KDM4C: variants seen among roughly 807,000 people sequenced by gnomAD.
KDM4C encodes the protein lysine-specific demethylase 4C.
A neutral mutation model predicts 129.3 loss-of-function variants in KDM4C; 81 were observed. That is an observed-to-expected ratio of 0.63 (90% CI 0.52 to 0.75). The LOEUF is 0.75. Among genes scored for constraint, KDM4C ranks in the 30% least tolerant of loss-of-function variants. The pLI, the probability that KDM4C is intolerant of heterozygous loss-of-function variation, is 0.00. For synonymous variants in KDM4C, 573 were observed against 456.1 expected (o/e 1.26, Z -3.26); for missense variants, 1,457 against 1,304.0 (o/e 1.12, Z -1.81).
At chr9:6,960,870 T>TA (rs55821730) in intron 8 of KDM4C, among the ~76,000 whole-genome samples, 2 of 151,962 alleles carry the variant, frequency 1.3e-5, no homozygotes, top group Non-Finnish European at 2.9e-5. Flanking sequence ...AAAAATCACC[T>TA]CAGTTGAGAA....
chr9:7,115,274 A>C (rs560939127), intron 18 of KDM4C, among the ~76,000 whole-genome samples: 17 of 152,154 alleles, frequency 1.1e-4, no homozygotes, highest in Admixed American at 2.0e-4. Flanking sequence ...TTTTGCACAG[A>C]ATTAATATTT....
upstream of KDM4C, among the ~76,000 whole-genome samples, chr9:6,754,279 C>G (rs999623386): frequency 6.6e-6 from 1 of 151,750 alleles, no homozygotes; most frequent in African/African-American, 2.4e-5. Context: ...GTGGTGCTAT[C>G]TTAGCTCACT....
At chr9:6,865,422 A>G (rs370309185) in intron 5 of KDM4C, among the ~76,000 whole-genome samples, 3 of 152,124 alleles carry the variant, frequency 2.0e-5, no homozygotes, top group African/African-American at 7.2e-5. Context: ...ACATATAGCT[A>G]TGTTATTAGG....
At chr9:7,143,980 G>T (rs1465980492) in intron 19 of KDM4C, among the ~76,000 whole-genome samples, 1 of 152,174 alleles carries the variant, frequency 6.6e-6, no homozygotes, top group Admixed American at 6.5e-5. Context: ...TAGCTTATGT[G>T]AAAAGTATTT....
At chr9:6,986,058 A>G (rs1188519559) in intron 10 of KDM4C, among the ~76,000 whole-genome samples, 6 of 152,268 alleles carry the variant, frequency 3.9e-5, no homozygotes, top group African/African-American at 1.4e-4. Flanking sequence ...GGTTTTGCCT[A>G]AGGGCCCTGA....
intron 18 of KDM4C, among the ~76,000 whole-genome samples, chr9:7,115,229 A>G (rs944846103): frequency 1.3e-5 from 2 of 152,156 alleles, no homozygotes; most frequent in Non-Finnish European, 2.9e-5. Flanking sequence ...TTTTTCGTAG[A>G]TAAGGTGTAT....
At chr9:6,771,851 G>A (rs1251030382) in intron 1 of KDM4C, among the ~76,000 whole-genome samples, 1 of 152,142 alleles carries the variant, frequency 6.6e-6, no homozygotes, top group Middle Eastern at 3.2e-3. Flanking sequence ...TGGGTGACCT[G>A]CATGGTAGTT....
rs372618757 is a variant in KDM4C at position 6,790,120 on chromosome 9, A to C, written c.-17-2852A>C. ...CGAAACCCATCCCTAAAAATACAAA[A>C]ATTGGCCGGGTGTGGTGGTGTGATC... is the stretch of plus-strand genomic sequence containing the variant. On this transcript the variant is annotated intron_variant, in intron 1 of 21. Transcript: ENST00000381309. 1.9e-4 allele frequency among the ~76,000 whole-genome samples: 27 copies of C among 144,608 alleles called. No homozygotes were observed. In the East Asian group the frequency reaches 4.6e-3, roughly 25 times the overall value. 94.9% of individuals were successfully genotyped at this position (144,608 alleles called of 152,430 possible).
At chr9:6,803,801 A>G (rs1829460783) in intron 2 of KDM4C, among the ~76,000 whole-genome samples, 1 of 151,830 alleles carries the variant, frequency 6.6e-6, no homozygotes. Context: ...GAATTGCTTC[A>G]TGACGTTGTA....
At chr9:6,820,403 C>G (rs1000639996) in intron 4 of KDM4C, among the ~76,000 whole-genome samples, 1 of 152,166 alleles carries the variant, frequency 6.6e-6, no homozygotes, top group Non-Finnish European at 1.5e-5. Flanking sequence ...TGAGGAAAAA[C>G]TCGAATAGCA....
At chr9:7,151,411 G>T (rs1172559027) in intron 19 of KDM4C, among the ~76,000 whole-genome samples, 1 of 150,010 alleles carries the variant, frequency 6.7e-6, no homozygotes, top group East Asian at 2.0e-4. Flanking sequence ...AACAAACAAG[G>T]CCAGGCGTGC....
chr9:6,802,694 C>G (rs1237330575), intron 2 of KDM4C, among the ~76,000 whole-genome samples: 1 of 152,192 alleles, frequency 6.6e-6, no homozygotes, highest in Non-Finnish European at 1.5e-5. Context: ...GTGGTGTGAT[C>G]TCAGCTCACT....
At chr9:6,804,989 C>T (rs180893215) in intron 2 of KDM4C, among the ~76,000 whole-genome samples, 90 of 152,022 alleles carry the variant, frequency 5.9e-4, no homozygotes, top group African/African-American at 2.1e-3. Flanking sequence ...CAACCCCTGC[C>T]TCTTGGGTTC....
chr9:6,734,291 T>G (rs958956753), intron 1 of KDM4C, among the ~76,000 whole-genome samples: 8 of 144,144 alleles, frequency 5.6e-5, no homozygotes, highest in Middle Eastern at 3.5e-3. Flanking sequence ...ATGTTTGGTT[T>G]TTTTTTTTTT....
chr9:6,775,213 C>T (rs1447904893), intron 1 of KDM4C, among the ~76,000 whole-genome samples: 1 of 151,966 alleles, frequency 6.6e-6, no homozygotes, highest in Non-Finnish European at 1.5e-5. Context: ...GATGGGGTTT[C>T]ACCATGTTGG....
At chr9:6,995,273 G>A (rs977779176) in intron 12 of KDM4C, among the ~76,000 whole-genome samples, 25 of 151,872 alleles carry the variant, frequency 1.6e-4, no homozygotes, top group Admixed American at 6.6e-4. Flanking sequence ...TTGTATTTCT[G>A]TTGCTTTATA....
intron 4 of KDM4C, among the ~76,000 whole-genome samples, chr9:6,815,796 C>T (rs1001753957): frequency 2.6e-5 from 4 of 152,110 alleles, no homozygotes; most frequent in Non-Finnish European, 5.9e-5. Flanking sequence ...TCTGAAATAC[C>T]TCTGGGCCCA....
chr9:6,947,808 G>A (rs747436976), intron 8 of KDM4C, among the ~76,000 whole-genome samples: 2 of 148,390 alleles, frequency 1.3e-5, no homozygotes, highest in South Asian at 4.5e-4. Flanking sequence ...AATCTTGGGT[G>A]TGTGGCTTGT....
intron 15 of KDM4C, among the ~76,000 whole-genome samples, chr9:7,028,968 C>T (rs1392937814): frequency 6.6e-6 from 1 of 152,166 alleles, no homozygotes; most frequent in African/African-American, 2.4e-5. Context: ...TCTTCAGTGC[C>T]TCTTTCAGTG....
Sources: allele counts gnomAD v4.1 joint callset (sites outside exome capture counted in the v4.1 genomes callset), GRCh38; gene constraint gnomAD v4.1.1; transcripts MANE v1.5; gene names NCBI Gene and HGNC (gene_info 2026-07-23, HGNC 2026-07-21).